Variants in UBE4B observed in about 807,000 individuals in gnomAD.
UBE4B encodes ubiquitination factor E4B, also known as ubiquitin conjugation factor E4 B.
Under a neutral mutation model 148.1 loss-of-function variants are expected in UBE4B, and 27 were observed. The ratio of observed to expected loss-of-function variants is 0.18; its 90% CI spans 0.13 to 0.25. UBE4B has a LOEUF of 0.25. UBE4B is among the 10% of genes least tolerant of loss of function. UBE4B has a pLI of 1.00. For synonymous variants in UBE4B, 596 were observed against 619.3 expected, an observed-to-expected ratio of 0.96 and a Z score of 0.56; for missense variants, 1,170 against 1,662.4, an observed-to-expected ratio of 0.70 and a Z score of 5.15.
chr1:10,083,781 G>A (rs1259389188), intron 2 of UBE4B, among the ~76,000 whole-genome samples: 2 of 152,112 alleles, frequency 1.3e-5, no homozygotes, highest in Admixed American at 6.6e-5. Context: ...GAACAGGTGT[G>A]TCCTATGCTG....
At chr1:10,156,234 CTTTTCT>C (rs1406680099) in intron 21 of UBE4B, among the ~76,000 whole-genome samples, 4 of 132,322 alleles carry the variant, frequency 3.0e-5, no homozygotes, top group African/African-American at 1.3e-4. Flanking sequence ...GTTTCATTTT[CTTTTCT>C]TTTTTTTTTT....
At chr1:10,105,458 C>CTGTGTAACCTGTGTTCGAACTG in intron 5 of UBE4B, 58 bp from the exon 6 acceptor site, 1 of 1,494,646 alleles carries the variant, frequency 6.7e-7, no homozygotes, top group Non-Finnish European at 9.3e-7. Flanking sequence ...TATTCAAGGG[C>CTGTGTAACCTGTGTTCGAACTG]TGTGTAACCT....
intron 1 of UBE4B, among the ~76,000 whole-genome samples, chr1:10,038,345 C>T (rs1344583386): frequency 4.0e-5 from 6 of 151,826 alleles, no homozygotes; most frequent in Admixed American, 2.0e-4. Flanking sequence ...GAATATGTGA[C>T]CTTGGACTTT....
chr1:10,170,830 A>T (rs904021972), intron 24 of UBE4B: 1 of 203,420 alleles, frequency 4.9e-6, no homozygotes, highest in East Asian at 1.1e-4. Context: ...TTTCTCAATG[A>T]ATTTGGAGTG....
At chr1:10,105,828 T>A in intron 6 of UBE4B, 84 bp downstream of exon 6, 1 of 1,338,558 alleles carries the variant, frequency 7.5e-7, no homozygotes, top group Non-Finnish European at 1.0e-6. Context: ...GTTGACAGTG[T>A]TAATCAGTGT....
At position 10,035,663 on chromosome 1, in the gene UBE4B, C is replaced by T. The variant is rs1395905436; in HGVS notation, c.24+1969C>T. On this transcript the variant is annotated intron_variant, in intron 1 of 27. Coordinates refer to ENST00000343090, the MANE Select transcript of UBE4B (RefSeq NM_001105562.3). ...CCTTGTGATCTGCCCGCCTCGGCCT[C>T]CCAAAGTGCTGGGATTACAGGCGTG... is the stretch of plus-strand genomic sequence containing the variant. Among the ~76,000 whole-genome samples, 12 of 144,536 alleles carry T rather than the reference C, an allele frequency of 8.3e-5. No individual in the cohort carries two copies. In the East Asian group the frequency reaches 8.5e-4, roughly 10 times the overall value. 94.8% of individuals were successfully genotyped at this position (144,536 alleles called of 152,430 possible). A position where few individuals can be genotyped will look rare whatever the true frequency, so the allele number is the denominator to read the frequency against.
chr1:10,051,161 T>C (rs1644036276), intron 1 of UBE4B, among the ~76,000 whole-genome samples: 1 of 152,156 alleles, frequency 6.6e-6, no homozygotes, highest in Admixed American at 6.6e-5. Context: ...CATGCCACTG[T>C]TCCTGGCTCT....
At chr1:10,066,428 C>T (rs1644390011) in intron 1 of UBE4B, among the ~76,000 whole-genome samples, 1 of 151,744 alleles carries the variant, frequency 6.6e-6, no homozygotes, top group Non-Finnish European at 1.5e-5. Flanking sequence ...CACATCTGAC[C>T]ATGAATTTTT....
At chr1:10,100,452 A>G (rs1644991450) in intron 3 of UBE4B, among the ~76,000 whole-genome samples, 1 of 152,286 alleles carries the variant, frequency 6.6e-6, no homozygotes, top group Non-Finnish European at 1.5e-5. Flanking sequence ...TCAGCCTCCT[A>G]GGTAGCTCGG....
chr1:10,144,808 A>G (rs1033780465), intron 17 of UBE4B, 132 bp from the exon 18 acceptor site: 2 of 586,870 alleles, frequency 3.4e-6, no homozygotes, highest in Non-Finnish European at 3.0e-6. Flanking sequence ...GTTGTAAGAT[A>G]TACTCTGATT....
intron 20 of UBE4B, among the ~76,000 whole-genome samples, chr1:10,150,775 G>A (rs1225822136): frequency 1.3e-5 from 2 of 150,850 alleles, no homozygotes; most frequent in African/African-American, 4.9e-5. Context: ...CAGGAGAATC[G>A]CTTGAACTTT....
intron 1 of UBE4B, among the ~76,000 whole-genome samples, chr1:10,043,733 G>A (rs1227393427): frequency 6.6e-6 from 1 of 152,098 alleles, no homozygotes; most frequent in African/African-American, 2.4e-5. Context: ...GGGCCGGGAT[G>A]CTTCTTATAA....
intron 24 of UBE4B, among the ~76,000 whole-genome samples, chr1:10,170,789 A>G (rs1459503381): frequency 6.6e-6 from 1 of 152,238 alleles, no homozygotes; most frequent in African/African-American, 2.4e-5. Flanking sequence ...AGATAATGGT[A>G]AGATTTGTAT....
chr1:10,134,882 C>T (rs1438673924), intron 15 of UBE4B, 106 bp from the exon 16 acceptor site: 3 of 932,740 alleles, frequency 3.2e-6, no homozygotes, highest in South Asian at 1.7e-5. Context: ...GAGGTTGCAG[C>T]CAAGATCACA....
rs568692455 is a variant in UBE4B at position 10,124,082 on chromosome 1, A to G, written c.1554+2006A>G. 2.0e-5 allele frequency among the ~76,000 whole-genome samples: 3 copies of G among 152,268 alleles called. No homozygotes were observed. In the South Asian group the frequency reaches 6.2e-4, roughly 32 times the overall value. On this transcript the variant is annotated intron_variant, in intron 10 of 27. Transcript: ENST00000343090. ...GAGCCAGCACACCTGGCCTCAAGCCATCATTTTGAAGTGTACAATTCAGTG... is the reference window on the plus strand; with the variant it reads ...GAGCCAGCACACCTGGCCTCAAGCCGTCATTTTGAAGTGTACAATTCAGTG...
intron 25 of UBE4B, among the ~76,000 whole-genome samples, chr1:10,175,639 A>C (rs985580251): frequency 2.0e-5 from 3 of 152,212 alleles, no homozygotes; most frequent in South Asian, 2.1e-4. Flanking sequence ...CGACAGAGCG[A>C]GACTCCGTCT....
At chr1:10,169,955 C>T (rs1646314264) in intron 24 of UBE4B, among the ~76,000 whole-genome samples, 1 of 152,160 alleles carries the variant, frequency 6.6e-6, no homozygotes. Context: ...GCAGAGGTCG[C>T]AGTGAGCCGA....
intron 20 of UBE4B, among the ~76,000 whole-genome samples, chr1:10,150,911 C>G (rs934538863): frequency 2.0e-5 from 3 of 148,398 alleles, no homozygotes; most frequent in African/African-American, 7.6e-5. Flanking sequence ...CCTGTAATCC[C>G]ACCATTTTGG....
At chr1:10,080,455 A>G (rs938620988) in intron 2 of UBE4B, among the ~76,000 whole-genome samples, 2 of 151,976 alleles carry the variant, frequency 1.3e-5, no homozygotes, top group Admixed American at 6.6e-5. Flanking sequence ...AGAAAATTCT[A>G]TGTTGGTGAG....
Sources: gnomAD v4.1 joint callset for allele counts (sites outside exome capture counted in the v4.1 genomes callset) on GRCh38, gnomAD v4.1.1 for gene constraint, MANE v1.5 for transcripts, NCBI Gene and HGNC (gene_info 2026-07-23, HGNC 2026-07-21) for gene names.